The following TRPM3 variants were observed in gnomAD, a reference collection of about 807,000 sequenced individuals.
TRPM3 encodes the protein long transient receptor potential channel 3.
Under a neutral mutation model 181.2 loss-of-function variants are expected in TRPM3, and 77 were observed. That is an observed-to-expected ratio of 0.42 (90% CI 0.35 to 0.51). The LOEUF (loss-of-function observed/expected upper bound fraction) is 0.51. TRPM3 is among the 20% of genes least tolerant of loss of function. The pLI is 0.01. For synonymous variants in TRPM3, 745 were observed against 796.4 expected (o/e 0.94, Z 1.09); for missense variants, 1,759 against 2,196.7 (o/e 0.80, Z 3.98).
intron 1 of TRPM3, among the ~76,000 whole-genome samples, chr9:71,169,748 A>T (rs892116136): frequency 6.6e-6 from 1 of 152,044 alleles, no homozygotes; most frequent in Non-Finnish European, 1.5e-5. Context: ...TGAGGTAAGG[A>T]GTTCGAGACC....
At chr9:71,295,838 C>A (rs1173755634) in intron 1 of TRPM3, among the ~76,000 whole-genome samples, 1,243 of 85,664 alleles carry the variant, frequency 0.015, no homozygotes, top group African/African-American at 0.018. Context: ...GATCCCGTCT[C>A]AAAAAAAAAA....
At chr9:71,002,878 T>C (rs991811586) in intron 1 of TRPM3, among the ~76,000 whole-genome samples, 2 of 152,100 alleles carry the variant, frequency 1.3e-5, no homozygotes, top group African/African-American at 4.8e-5. Flanking sequence ...AACCAAGAAA[T>C]ATAATATTGA....
chr9:71,223,954 A>T (rs1351549581), intron 1 of TRPM3, among the ~76,000 whole-genome samples: 1 of 152,248 alleles, frequency 6.6e-6, no homozygotes, highest in African/African-American at 2.4e-5. Context: ...TCTGGGACTC[A>T]GGAGGAACTT....
At chr9:71,335,438 T>C (rs887496248) in intron 1 of TRPM3, among the ~76,000 whole-genome samples, 7 of 152,156 alleles carry the variant, frequency 4.6e-5, no homozygotes, top group Non-Finnish European at 1.0e-4. Flanking sequence ...TAAATTCTTA[T>C]ACAGTGAGTA....
At chr9:70,990,426 C>G (rs2097467459) in intron 1 of TRPM3, among the ~76,000 whole-genome samples, 1 of 152,126 alleles carries the variant, frequency 6.6e-6, no homozygotes, top group African/African-American at 2.4e-5. Flanking sequence ...CACGGTAAAA[C>G]AAACAGTACA....
intron 4 of TRPM3, among the ~76,000 whole-genome samples, chr9:70,844,915 C>T (rs150141350): frequency 3.0e-4 from 46 of 152,272 alleles, no homozygotes; most frequent in African/African-American, 1.1e-3. Flanking sequence ...CCAATGAGGC[C>T]TGCTTAGTTG....
At chr9:70,922,638 C>G (rs777450314) in intron 1 of TRPM3, among the ~76,000 whole-genome samples, 1 of 152,112 alleles carries the variant, frequency 6.6e-6, no homozygotes, top group East Asian at 1.9e-4. Flanking sequence ...TCATTTCTTT[C>G]AGAACTTATT....
chr9:71,362,658 A>G (rs2092197751), intron 1 of TRPM3, among the ~76,000 whole-genome samples: 1 of 152,216 alleles, frequency 6.6e-6, no homozygotes, highest in African/African-American at 2.4e-5. Context: ...TCCTGTCTCT[A>G]TGACTACAGG....
At chr9:70,793,505 A>G (rs2086154627) in intron 6 of TRPM3, 1 of 288,704 alleles carries the variant, frequency 3.5e-6, no homozygotes, top group Admixed American at 3.7e-5. Flanking sequence ...ACACATATGT[A>G]TATGTATGCA....
In TRPM3 at chr9:70,983,204, C is replaced by T. The variant is rs531788511; in HGVS notation, c.178-118693G>A. Reference sequence around the variant, plus strand: ...TCTCTTGATGTTCATGGCCCCACTGCTCTAGTTTTTTTCCTATCACCCCCA... The same window carrying T: ...TCTCTTGATGTTCATGGCCCCACTGTTCTAGTTTTTTTCCTATCACCCCCA... On this transcript the variant is annotated intron_variant, in intron 1 of 25. Coordinates refer to ENST00000677713, the MANE Select transcript of TRPM3 (RefSeq NM_001366145.2). Among the ~76,000 whole-genome samples, 4 of 152,146 alleles carry T rather than the reference C, an allele frequency of 2.6e-5. No homozygotes were observed. In the East Asian group the frequency reaches 7.7e-4, roughly 29 times the overall value.
At chr9:70,900,143 G>A (rs2096362791) in intron 1 of TRPM3, among the ~76,000 whole-genome samples, 1 of 152,086 alleles carries the variant, frequency 6.6e-6, no homozygotes, top group Admixed American at 6.6e-5. Flanking sequence ...CTTATTAGGG[G>A]ACAAGAAATA....
At chr9:70,554,707 A>G (rs139706377) in intron 22 of TRPM3, among the ~76,000 whole-genome samples, 170 of 152,266 alleles carry the variant, frequency 1.1e-3, no homozygotes, top group African/African-American at 3.9e-3. Flanking sequence ...GGCTGGAAAA[A>G]TTATGTAATT....
At chr9:71,252,326 T>C (rs1490127126) in intron 1 of TRPM3, among the ~76,000 whole-genome samples, 12 of 152,136 alleles carry the variant, frequency 7.9e-5, no homozygotes, top group Admixed American at 7.9e-4. Context: ...GGTAACACAG[T>C]GGTTTTTCGT....
chr9:70,927,074 C>T (rs2096728056), intron 1 of TRPM3, among the ~76,000 whole-genome samples: 1 of 152,090 alleles, frequency 6.6e-6, no homozygotes, highest in Non-Finnish European at 1.5e-5. Flanking sequence ...GGTTGAAGAG[C>T]TAAGTCTTAT....
At chr9:71,216,763 C>G (rs149157682) in intron 1 of TRPM3, among the ~76,000 whole-genome samples, 36 of 152,220 alleles carry the variant, frequency 2.4e-4, no homozygotes, top group Admixed American at 2.0e-3. Context: ...AGGCACATAA[C>G]TAGGTGCTCA....
chr9:71,177,944 A>T (rs2077198232), intron 1 of TRPM3, among the ~76,000 whole-genome samples: 1 of 151,950 alleles, frequency 6.6e-6, no homozygotes, highest in Non-Finnish European at 1.5e-5. Flanking sequence ...AAAAAAAAAA[A>T]AAAAGCTTCT....
chr9:70,786,964 G>A (rs573649709), intron 6 of TRPM3, among the ~76,000 whole-genome samples: 1 of 152,158 alleles, frequency 6.6e-6, no homozygotes, highest in South Asian at 2.1e-4. Flanking sequence ...TACTTAGCAT[G>A]GACCTTCTAC....
chr9:71,197,646 T>C (rs1053658170), intron 1 of TRPM3, among the ~76,000 whole-genome samples: 37 of 152,270 alleles, frequency 2.4e-4, no homozygotes, highest in African/African-American at 8.4e-4. Context: ...TTTTCATGTG[T>C]CTTTTGGCTA....
intron 1 of TRPM3, among the ~76,000 whole-genome samples, chr9:71,184,262 A>G (rs1006289434): frequency 2.0e-5 from 3 of 152,114 alleles, no homozygotes; most frequent in African/African-American, 7.2e-5. Context: ...TAATGGGATC[A>G]ATCAATGTCA....
Sources: allele counts gnomAD v4.1 joint callset (sites outside exome capture counted in the v4.1 genomes callset), GRCh38; gene constraint gnomAD v4.1.1; transcripts MANE v1.5; gene names NCBI Gene and HGNC (gene_info 2026-07-23, HGNC 2026-07-21).